The following INSL3 variants were observed in gnomAD, a reference collection of about 807,000 sequenced individuals.
The protein encoded by INSL3 is insulin-like 3.
A neutral mutation model predicts 5.5 loss-of-function variants in INSL3; 6 were observed. That is an observed-to-expected ratio of 1.08 (90% confidence interval 0.59 to 2.14). The LOEUF is 2.14. INSL3 is among the 30% of genes most tolerant of loss of function. The probability of loss-of-function intolerance (pLI) is 0.00; values close to 1 mark genes in which losing one functional copy is unlikely to be tolerated. For synonymous variants in INSL3, 86 were observed against 82.1 expected, an observed-to-expected ratio of 1.05 and a Z score of -0.26; for missense variants, 178 against 184.7, an observed-to-expected ratio of 0.96 and a Z score of 0.21.
At chr19:17,820,167 C>T (rs2094193392) in intron 1 of INSL3, among the ~76,000 whole-genome samples, 1 of 151,858 alleles carries the variant, frequency 6.6e-6, no homozygotes, top group African/African-American at 2.4e-5. Flanking sequence ...GCCCGCAGTC[C>T]CAGCTACTCT....
intron 1 of INSL3, among the ~76,000 whole-genome samples, chr19:17,817,342 G>A (rs1397450954): frequency 6.0e-5 from 9 of 151,182 alleles, no homozygotes; most frequent in East Asian, 2.0e-4. Flanking sequence ...AAAATTAGCC[G>A]GGTGTGGTGG....
chr19:17,818,135 A>G (rs1366116566), intron 1 of INSL3, among the ~76,000 whole-genome samples: 1 of 152,052 alleles, frequency 6.6e-6, no homozygotes, highest in Non-Finnish European at 1.5e-5. Context: ...TGGTGGACCC[A>G]CAGACACACA....
chr19:17,816,575 G>T lies in INSL3; in HGVS notation c.*279C>A, dbSNP rs112935193. 9 of 524,940 alleles carry T rather than the reference G, an allele frequency of 1.7e-5. No individual in the cohort carries two copies. Among genetic ancestry groups the T allele is most frequent in the African/African-American group, 1.1e-4 (6 of 52,528 alleles). The allele number at this position is 524,940 out of a possible 1,614,324, so 32.5% of individuals were successfully genotyped here. On this transcript the variant is annotated 3_prime_UTR_variant, in exon 2 of 2. Coordinates refer to ENST00000317306, the MANE Select transcript of INSL3 (RefSeq NM_005543.4). ...AGGGGTGTTACACATGCAGGGAGCG[G>T]AGCGTCTGGGGCTCCCCTGGAGTGA...
chr19:17,817,110 AC>A, intron 1 of INSL3, 51 bp from the exon 2 acceptor site: 1 of 1,525,762 alleles, frequency 6.6e-7, no homozygotes, highest in Non-Finnish European at 8.9e-7. Flanking sequence ...AGGACATGCT[AC>A]CCCATGCTGC....
intron 1 of INSL3, among the ~76,000 whole-genome samples, chr19:17,819,729 C>G (rs957181425): frequency 6.6e-6 from 1 of 152,126 alleles, no homozygotes; most frequent in Non-Finnish European, 1.5e-5. Context: ...GCAGTCCCAG[C>G]TACTCAGGAG....
rs1407669404 is a variant in INSL3, at chr19:17,816,780, T to C, written c.*74A>G. The C allele has an allele frequency of 1.3e-5, 19 of 1,412,192 alleles. No homozygotes were observed. The highest frequency in any genetic ancestry group is 1.8e-5 in the Non-Finnish European group (18 of 1,002,722). The allele number at this position is 1,412,192 out of a possible 1,614,324, so 87.5% of individuals were successfully genotyped here. On this transcript the variant is annotated 3_prime_UTR_variant, in exon 2 of 2. Coordinates refer to ENST00000317306, the MANE Select transcript of INSL3 (RefSeq NM_005543.4). ...CTGTAGATGCGAGACTTTATGGTGC[T>C]GTGTGGCCTCAGGAGCTCACCAGAC...
At chr19:17,818,702 A>G (rs1227131644) in intron 1 of INSL3, among the ~76,000 whole-genome samples, 1 of 152,044 alleles carries the variant, frequency 6.6e-6, no homozygotes, top group Non-Finnish European at 1.5e-5. Context: ...AGTGGTTCTC[A>G]AACCAGGGTG....
intron 1 of INSL3, among the ~76,000 whole-genome samples, chr19:17,817,820 C>CAAAAAAAAAAT (rs1568395411): frequency 9.8e-6 from 1 of 102,200 alleles, no homozygotes; most frequent in African/African-American, 3.6e-5. Flanking sequence ...AAAAAAAAAG[C>CAAAAAAAAAAT]GAGCACTTAT....
Position 17,816,965 on chromosome 19 carries a change from G to C in INSL3, c.285C>G (p.Pro95=), listed in dbSNP as rs2094188625. The C allele has an allele frequency of 1.9e-6, 3 of 1,614,100 alleles. No individual in the cohort carries two copies. The highest frequency in any genetic ancestry group is 2.5e-6 in the Non-Finnish European group (3 of 1,180,012). ...LTLGPGLQPL[P]QTSHHHRHHR... Reference sequence around the variant, plus strand: ...GGTGGCGGTGATGGTGAGAGGTCTGGGGCAGGGGCTGCAGGCCAGGTCCCA... The same window carrying C: ...GGTGGCGGTGATGGTGAGAGGTCTGCGGCAGGGGCTGCAGGCCAGGTCCCA... Residue 95 remains proline (P), a synonymous_variant, in exon 2 of 2, where the codon CCC becomes CCG. Coordinates refer to ENST00000317306, the MANE Select transcript of INSL3 (RefSeq NM_005543.4).
At chr19:17,818,399 T>C (rs1180569514) in intron 1 of INSL3, among the ~76,000 whole-genome samples, 1 of 152,126 alleles carries the variant, frequency 6.6e-6, no homozygotes, top group Non-Finnish European at 1.5e-5. Flanking sequence ...GTGCGTTGCT[T>C]GAGCCCAGGA....
In INSL3 at chr19:17,816,937, G is replaced by A. The variant is rs771592037; in HGVS notation, c.313C>T (p.Arg105Cys). The change falls in exon 2 of 2, where the codon CGT becomes TGT. Residue 105 changes from arginine to cysteine, a missense_variant. Coordinates refer to ENST00000317306, the MANE Select transcript of INSL3 (RefSeq NM_005543.4). ...PQTSHHHRHHRAAATNPARYC... is the reference protein window; with the variant it reads ...PQTSHHHRHHCAAATNPARYC... ...CGTGCAGGGTTGGTGGCAGCTGCACGGTGGTGGCGGTGATGGTGAGAGGTC... is the reference window on the plus strand; with the variant it reads ...CGTGCAGGGTTGGTGGCAGCTGCACAGTGGTGGCGGTGATGGTGAGAGGTC... The A allele has an allele frequency of 2.0e-5, 32 of 1,614,052 alleles. No homozygotes were observed. Among genetic ancestry groups the A allele is most frequent in the Admixed American group, 1.2e-4 (7 of 59,996 alleles).
intron 1 of INSL3, among the ~76,000 whole-genome samples, chr19:17,818,345 G>A (rs888270723): frequency 5.3e-5 from 8 of 152,152 alleles, no homozygotes; most frequent in African/African-American, 1.9e-4. Flanking sequence ...GCCAGGCACC[G>A]TGGCTCACAC....
chr19:17,818,916 C>A (rs2094191650), intron 1 of INSL3, among the ~76,000 whole-genome samples: 1 of 151,660 alleles, frequency 6.6e-6, no homozygotes, highest in African/African-American at 2.4e-5. Context: ...CGCTCTGTTG[C>A]CAAGCTGGAG....
intron 1 of INSL3, among the ~76,000 whole-genome samples, chr19:17,819,246 TATA>T (rs1387877040): frequency 1.4e-5 from 2 of 147,868 alleles, no homozygotes; most frequent in Admixed American, 1.4e-4. Context: ...AATATATATA[TATA>T]ATAATAATAA....
intron 1 of INSL3, among the ~76,000 whole-genome samples, chr19:17,817,402 G>A (rs2094189420): frequency 6.7e-6 from 1 of 148,928 alleles, no homozygotes; most frequent in Non-Finnish European, 1.5e-5. Flanking sequence ...GGAGAATGAC[G>A]TGAACCCAGG....
At chr19:17,817,891 C>T (rs982462033) in intron 1 of INSL3, among the ~76,000 whole-genome samples, 1 of 150,976 alleles carries the variant, frequency 6.6e-6, no homozygotes, top group African/African-American at 2.4e-5. Context: ...CTCATGTCCA[C>T]ACTCACATCC....
rs1422822030 is a variant in INSL3 at position 17,821,360 on chromosome 19, G to C, written c.147C>G (p.Pro49=). The C allele has an allele frequency of 6.5e-7, 1 of 1,548,800 alleles. No homozygotes were observed. The highest frequency in any genetic ancestry group is 8.7e-7 in the Non-Finnish European group (1 of 1,146,604). ...VRALVRVCGG[P]RWSTEARRPA... is the part of the protein sequence containing the mutation. ...GCCTCCTGGCTTCGGTGGACCAGCG[G>C]GGGCCCCCGCACACGCGCACTAGCG... Residue 49 remains proline (P), a synonymous_variant, in exon 1 of 2, where the codon CCC becomes CCG. Coordinates refer to ENST00000317306, the MANE Select transcript of INSL3 (RefSeq NM_005543.4).
At chr19:17,818,344 C>T (rs568822035) in intron 1 of INSL3, among the ~76,000 whole-genome samples, 4 of 152,138 alleles carry the variant, frequency 2.6e-5, no homozygotes, top group African/African-American at 9.6e-5. Flanking sequence ...GGCCAGGCAC[C>T]GTGGCTCACA....
intron 1 of INSL3, among the ~76,000 whole-genome samples, chr19:17,818,762 C>T (rs971894797): frequency 1.3e-5 from 2 of 152,056 alleles, no homozygotes; most frequent in Non-Finnish European, 2.9e-5. Context: ...GATGTCACAA[C>T]TTGGATGGGG....
Sources: gnomAD v4.1 joint callset for allele counts (sites outside exome capture counted in the v4.1 genomes callset) on GRCh38, gnomAD v4.1.1 for gene constraint, MANE v1.5 for transcripts, NCBI Gene and HGNC (gene_info 2026-07-23, HGNC 2026-07-21) for gene names.